Variants in C7 observed in about 807,000 individuals in gnomAD.
C7 encodes the protein complement component C7.
In C7, 83 loss-of-function variants were observed where a neutral mutation model predicts 104.8. The observed-to-expected ratio is 0.79, with a 90% CI of 0.66 to 0.95. The LOEUF (loss-of-function observed/expected upper bound fraction) is 0.95. Ranked by LOEUF, C7 falls within the 40% of genes least tolerant of loss-of-function variation. C7 has a pLI of 0.00. For synonymous variants in C7, 415 were observed against 360.6 expected, an observed-to-expected ratio of 1.15 and a Z score of -1.71; for missense variants, 1,070 against 1,011.2, an observed-to-expected ratio of 1.06 and a Z score of -0.79.
chr5:40,910,851 C>T (rs962409481), intron 1 of C7, among the ~76,000 whole-genome samples: 17 of 150,220 alleles, frequency 1.1e-4, no homozygotes, highest in African/African-American at 3.9e-4. Flanking sequence ...TGAAAGTTAT[C>T]TAGCCAAAAT....
intron 1 of C7, among the ~76,000 whole-genome samples, chr5:40,914,852 A>C (rs1363946366): frequency 6.6e-6 from 1 of 152,164 alleles, no homozygotes; most frequent in African/African-American, 2.4e-5. Context: ...TTAGCAGAGT[A>C]AATAAACCCA....
At chr5:40,949,230 G>A (rs903734286) in intron 8 of C7, among the ~76,000 whole-genome samples, 2 of 151,834 alleles carry the variant, frequency 1.3e-5, no homozygotes, top group African/African-American at 4.8e-5. Flanking sequence ...CATAACCTCT[G>A]GGATATAGTG....
At chr5:40,916,740 A>G (rs772305380) in intron 1 of C7, among the ~76,000 whole-genome samples, 72 of 152,060 alleles carry the variant, frequency 4.7e-4, no homozygotes, top group Non-Finnish European at 8.5e-4. Context: ...TTATCTTTGT[A>G]ATTTATTTCT....
Position 40,959,437 on chromosome 5 carries a change from C to T in C7, c.1490-12C>T, listed in dbSNP as rs905491872. 1 of 1,605,798 alleles carries T rather than the reference C, an allele frequency of 6.2e-7. No homozygotes were observed. Among genetic ancestry groups the T allele is most frequent in the African/African-American group, 1.3e-5 (1 of 74,778 alleles). On this transcript the variant is annotated splice_polypyrimidine_tract_variant and intron_variant, in intron 11 of 17. Transcript: ENST00000313164. ...TAAGAACTTATTGATCAACCTCTTT[C>T]TCATCTTGTAGGAGGGGTTGATGGA...
chr5:40,969,098 G>A (rs1039980723), intron 14 of C7, among the ~76,000 whole-genome samples: 1 of 151,424 alleles, frequency 6.6e-6, no homozygotes, highest in Non-Finnish European at 1.5e-5. Flanking sequence ...CCATTAATGT[G>A]GTATATTTAT....
In C7 at chr5:40,970,936, T is replaced by C. The variant is rs1450938872; in HGVS notation, c.1883-1467T>C. On this transcript the variant is annotated intron_variant, in intron 14 of 17. Coordinates refer to ENST00000313164, the MANE Select transcript of C7 (RefSeq NM_000587.4). ...CTCTGCAAAGGACATTAACCCGTTA[T>C]AGTATTCCATGGTGTATATGTGCCA... is the stretch of plus-strand genomic sequence containing the variant. Among the ~76,000 whole-genome samples the C allele has an allele frequency of 4.6e-5, 7 of 152,206 alleles. No individual in the cohort carries two copies. The East Asian group carries it at 7.7e-4, about 17-fold the overall frequency.
intron 13 of C7, among the ~76,000 whole-genome samples, 194 bp downstream of exon 13, chr5:40,962,366 G>C (rs139248820): frequency 1.3e-5 from 2 of 152,242 alleles, no homozygotes; most frequent in Non-Finnish European, 2.9e-5. Context: ...TTCTGCAGAA[G>C]GCAGTGTATC....
chr5:40,911,051 T>A (rs182624110), intron 1 of C7: 15 of 152,332 alleles, frequency 9.8e-5, no homozygotes, highest in South Asian at 2.1e-4. Context: ...ATTAATTTTT[T>A]AAAAATTTTA....
At chr5:40,965,800 C>A (rs1215294879) in intron 14 of C7, among the ~76,000 whole-genome samples, 1 of 151,686 alleles carries the variant, frequency 6.6e-6, no homozygotes, top group African/African-American at 2.4e-5. Flanking sequence ...TGCCAACACA[C>A]TCTGCTAATT....
At chr5:40,951,509 G>A (rs1007927420) in intron 9 of C7, among the ~76,000 whole-genome samples, 2 of 152,058 alleles carry the variant, frequency 1.3e-5, no homozygotes, top group African/African-American at 2.4e-5. Flanking sequence ...CTAACTATTG[G>A]GTACTTACTC....
chr5:40,977,679 C>T (rs1740848241), intron 16 of C7, among the ~76,000 whole-genome samples: 1 of 152,174 alleles, frequency 6.6e-6, no homozygotes, highest in Non-Finnish European at 1.5e-5. Flanking sequence ...CTAGTCAGTG[C>T]TCACCACTGA....
At chr5:40,946,168 A>G (rs1740045678) in intron 7 of C7, among the ~76,000 whole-genome samples, 1 of 152,000 alleles carries the variant, frequency 6.6e-6, no homozygotes, top group Non-Finnish European at 1.5e-5. Flanking sequence ...AAAACACTTT[A>G]TTACTTTTGA....
At chr5:40,975,768 T>G (rs1318814615) in intron 15 of C7, among the ~76,000 whole-genome samples, 2 of 152,232 alleles carry the variant, frequency 1.3e-5, no homozygotes, top group African/African-American at 4.8e-5. Context: ...CTCACAAGAT[T>G]GTAATGTCAT....
intron 2 of C7, among the ~76,000 whole-genome samples, chr5:40,928,914 A>C (rs920352078): frequency 6.6e-6 from 1 of 152,224 alleles, no homozygotes; most frequent in African/African-American, 2.4e-5. Context: ...TCTGTAATGC[A>C]GATAATCACA....
chr5:40,972,405 A>G lies in C7; in HGVS notation c.1885A>G (p.Ile629Val), dbSNP rs1740718933. The G allele has an allele frequency of 1.2e-6, 2 of 1,613,658 alleles. No individual in the cohort carries two copies. Among genetic ancestry groups the G allele is most frequent in the South Asian group, 1.1e-5 (1 of 91,052 alleles). The part of the protein sequence containing the change: ...WLVGEMHCQK[I>V]ACVLPVLMDG... ...ATTTTGCTCTCTTTTATCTTTAGAA[A>G]TTGCCTGTGTTCTACCTGTACTGAT... Residue 629 changes from isoleucine (I) to valine (V), a missense_variant and splice_region_variant, in exon 15 of 18, where the codon ATT becomes GTT. By Grantham distance (29) the Ile-to-Val change is conservative. Transcript: ENST00000313164.
In C7 at chr5:40,981,542, G is replaced by A; in HGVS notation, c.2501G>A (p.Ser834Asn). 7 of 1,613,194 alleles carry A rather than the reference G, an allele frequency of 4.3e-6. No homozygotes were observed. The highest frequency in any genetic ancestry group is 5.9e-6 in the Non-Finnish European group (7 of 1,179,384). The change falls in exon 18 of 18, where the codon AGC becomes AAC. Residue 834 changes from serine to asparagine, a missense_variant. Ser to Asn is a conservative substitution (Grantham distance 46). Coordinates refer to ENST00000313164, the MANE Select transcript of C7 (RefSeq NM_000587.4). ...RCRGQSISVT[S>N]IRPCAAETQ ...AGAGGGCAGAGCATCTCTGTCACCA[G>A]CATAAGGCCTTGTGCTGCGGAAACC...
At chr5:40,909,659 T>C (rs1753079941) in intron 1 of C7, 43 bp downstream of exon 1, 2 of 1,438,108 alleles carry the variant, frequency 1.4e-6, no homozygotes, top group African/African-American at 1.4e-5. Flanking sequence ...AAGCTATCTT[T>C]TCAAATGAAC....
Position 40,975,456 on chromosome 5 carries a change from C to G in C7, c.2075-1294C>G, listed in dbSNP as rs193149759. On this transcript the variant is annotated intron_variant, in intron 15 of 17. Transcript: ENST00000313164. ...TTGGTTCACTGCAACCTCCACCACC[C>G]GGGCTCAAGCAATTCTCCTGCCTCA... Among the ~76,000 whole-genome samples, 8 of 151,776 alleles carry G rather than the reference C, an allele frequency of 5.3e-5. No individual in the cohort carries two copies. In the East Asian group the frequency reaches 1.6e-3, roughly 30 times the overall value.
chr5:40,950,079 AG>A lies in C7; in HGVS notation c.1093+68del. On this transcript the variant is annotated intron_variant, in intron 9 of 17. Coordinates refer to ENST00000313164, the MANE Select transcript of C7 (RefSeq NM_000587.4). ...TCTTTTTTTTTTACTTTTAAGTTCA[AG>A]GGTACGCGTGAAGTTATGTAGGTAA... The A allele has an allele frequency of 3.3e-6, 3 of 912,020 alleles. No individual in the cohort carries two copies. The South Asian group carries it at 4.8e-5, about 15-fold the overall frequency. 56.5% of individuals were successfully genotyped at this position (912,020 alleles called of 1,614,324 possible). A position where few individuals can be genotyped will look rare whatever the true frequency, so the allele number is the denominator to read the frequency against.
Sources: gnomAD v4.1 joint callset for allele counts (sites outside exome capture counted in the v4.1 genomes callset) on GRCh38, gnomAD v4.1.1 for gene constraint, MANE v1.5 for transcripts, NCBI Gene and HGNC (gene_info 2026-07-23, HGNC 2026-07-21) for gene names.